RSRC1: variants seen among roughly 807,000 people sequenced by gnomAD.
RSRC1 encodes the protein serine/Arginine-related protein 53.
Under a neutral mutation model 49.1 loss-of-function variants are expected in RSRC1, and 39 were observed. The observed-to-expected ratio is 0.79, with a 90% CI of 0.61 to 1.04. RSRC1 has a LOEUF of 1.04. Among genes scored for constraint, RSRC1 ranks in the 50% least tolerant of loss-of-function variants. The pLI is 0.00. For synonymous variants in RSRC1, 143 were observed against 130.8 expected, an observed-to-expected ratio of 1.09 and a Z score of -0.63; for missense variants, 388 against 402.4, an observed-to-expected ratio of 0.96 and a Z score of 0.31.
chr3:158,499,334 G>A (rs1578549075), intron 7 of RSRC1, among the ~76,000 whole-genome samples: 1 of 152,076 alleles, frequency 6.6e-6, no homozygotes, highest in Non-Finnish European at 1.5e-5. Context: ...CCGAGATTGT[G>A]CCACTGCACT....
chr3:158,418,370 G>A (rs1377862494), intron 6 of RSRC1, among the ~76,000 whole-genome samples: 2 of 151,836 alleles, frequency 1.3e-5, no homozygotes, highest in African/African-American at 4.8e-5. Flanking sequence ...GGAGAAACAG[G>A]GAGAATACTT....
intron 5 of RSRC1, among the ~76,000 whole-genome samples, chr3:158,308,691 T>C (rs1267503967): frequency 6.6e-6 from 1 of 151,990 alleles, no homozygotes; most frequent in Non-Finnish European, 1.5e-5. Flanking sequence ...AGTTACTGTA[T>C]GCGCTTAATC....
chr3:158,298,212 G>T, intron 5 of RSRC1, 137 bp downstream of exon 5: 1 of 606,468 alleles, frequency 1.6e-6, no homozygotes, highest in Admixed American at 3.0e-5. Flanking sequence ...CTGTTATTAT[G>T]TGAAGGCACT....
chr3:158,253,872 C>T (rs1419752262), intron 4 of RSRC1, among the ~76,000 whole-genome samples: 3 of 152,088 alleles, frequency 2.0e-5, no homozygotes, highest in Non-Finnish European at 2.9e-5. Context: ...CCCATCAACT[C>T]ATCATTTACA....
chr3:158,396,391 TG>T (rs1200071942), intron 6 of RSRC1, among the ~76,000 whole-genome samples: 3 of 143,874 alleles, frequency 2.1e-5, no homozygotes, highest in Non-Finnish European at 3.1e-5. Flanking sequence ...TGATGGGCAA[TG>T]TTTTTTTTTT....
chr3:158,183,645 G>A (rs1475458814), intron 3 of RSRC1, among the ~76,000 whole-genome samples: 1 of 152,084 alleles, frequency 6.6e-6, no homozygotes, highest in Non-Finnish European at 1.5e-5. Context: ...AGCTGGGTTC[G>A]GTGGCTCATG....
At chr3:158,482,685 C>A (rs1050068873) in intron 7 of RSRC1, among the ~76,000 whole-genome samples, 1 of 151,998 alleles carries the variant, frequency 6.6e-6, no homozygotes, top group African/African-American at 2.4e-5. Flanking sequence ...AACTATCATA[C>A]TCTGTAAGTT....
intron 7 of RSRC1, among the ~76,000 whole-genome samples, chr3:158,518,148 A>ATATATTT (rs1310027981): frequency 2.3e-5 from 1 of 44,138 alleles, no homozygotes; most frequent in African/African-American, 1.5e-4. Context: ...ATATATATAT[A>ATATATTT]TTTTTTTTTT....
chr3:158,420,052 A>G (rs1028748378), intron 6 of RSRC1, among the ~76,000 whole-genome samples: 2 of 151,660 alleles, frequency 1.3e-5, no homozygotes, highest in African/African-American at 2.4e-5. Flanking sequence ...CCTCATAGGC[A>G]GGCTCACAAA....
intron 3 of RSRC1, among the ~76,000 whole-genome samples, chr3:158,193,784 G>A (rs1720377985): frequency 6.6e-6 from 1 of 152,036 alleles, no homozygotes; most frequent in Admixed American, 6.6e-5. Flanking sequence ...AAGTTGTGAT[G>A]ATAAAATTTT....
At chr3:158,317,581 CA>C (rs1391811403) in intron 5 of RSRC1, among the ~76,000 whole-genome samples, 1 of 150,360 alleles carries the variant, frequency 6.7e-6, no homozygotes, top group African/African-American at 2.5e-5. Flanking sequence ...ATTTGTGAGA[CA>C]GAGTCTCACT....
chr3:158,333,231 C>T (rs545964103), intron 5 of RSRC1, among the ~76,000 whole-genome samples: 26 of 152,084 alleles, frequency 1.7e-4, no homozygotes, highest in Admixed American at 3.9e-4. Flanking sequence ...GCCTCCCAAA[C>T]GCTTTTTTGT....
At chr3:158,178,650 T>C (rs1336953253) in intron 3 of RSRC1, among the ~76,000 whole-genome samples, 1 of 152,214 alleles carries the variant, frequency 6.6e-6, no homozygotes. Flanking sequence ...TTTATTTTTC[T>C]ATATGAATTC....
chr3:158,429,640 G>A (rs1238628238), intron 6 of RSRC1, among the ~76,000 whole-genome samples: 1 of 149,916 alleles, frequency 6.7e-6, no homozygotes, highest in African/African-American at 2.5e-5. Flanking sequence ...ATATGTATAT[G>A]CTTAAGTGAT....
intron 7 of RSRC1, among the ~76,000 whole-genome samples, chr3:158,488,516 C>G (rs186184930): frequency 1.3e-5 from 2 of 152,238 alleles, no homozygotes; most frequent in Admixed American, 1.3e-4. Flanking sequence ...GATGTTTTTT[C>G]TCAACCATTG....
intron 4 of RSRC1, among the ~76,000 whole-genome samples, chr3:158,263,903 A>G (rs962743773): frequency 6.6e-6 from 1 of 152,110 alleles, no homozygotes; most frequent in African/African-American, 2.4e-5. Context: ...TATTTCTTAT[A>G]TTAGTAATTT....
chr3:158,182,854 G>C (rs1253142173), intron 3 of RSRC1, among the ~76,000 whole-genome samples: 3 of 151,942 alleles, frequency 2.0e-5, no homozygotes, highest in Non-Finnish European at 4.4e-5. Context: ...TATTGTTTTT[G>C]CTAATTACTT....
intron 7 of RSRC1, among the ~76,000 whole-genome samples, chr3:158,467,831 T>C (rs895207650): frequency 3.3e-5 from 5 of 152,254 alleles, no homozygotes; most frequent in African/African-American, 1.2e-4. Flanking sequence ...AAGATGAGTA[T>C]AAAATTTATT....
At chr3:158,540,067 G>C (rs1170174680) in intron 8 of RSRC1, among the ~76,000 whole-genome samples, 1 of 152,174 alleles carries the variant, frequency 6.6e-6, no homozygotes. Context: ...CCGTAAGGCA[G>C]TATAGACTAC....
Sources: allele counts gnomAD v4.1 joint callset (sites outside exome capture counted in the v4.1 genomes callset), GRCh38; gene constraint gnomAD v4.1.1; transcripts MANE v1.5; gene names NCBI Gene and HGNC (gene_info 2026-07-23, HGNC 2026-07-21).